Variants in ANO1 observed in about 807,000 individuals in gnomAD.
ANO1 encodes anoctamin-1.
Under a neutral mutation model 124.0 loss-of-function variants are expected in ANO1, and 59 were observed. That is an observed-to-expected ratio of 0.48 (90% CI 0.39 to 0.59). ANO1 has a LOEUF of 0.59. Among genes scored for constraint, ANO1 ranks in the 20% least tolerant of loss-of-function variants. The probability of loss-of-function intolerance (pLI) is 0.00; values close to 1 mark genes in which losing one functional copy is unlikely to be tolerated. For missense variants in ANO1, 1,059 were observed against 1,328.0 expected (o/e 0.80, Z 3.15); for synonymous variants, 529 against 532.0 (o/e 0.99, Z 0.08).
At chr11:70,143,183 C>T (rs527416289) in intron 11 of ANO1, among the ~76,000 whole-genome samples, 9 of 152,248 alleles carry the variant, frequency 5.9e-5, no homozygotes, top group East Asian at 1.9e-4. Flanking sequence ...GACCCCTGCC[C>T]GTGAGGAGCA....
At chr11:70,152,655 T>C (rs2135650777) in intron 13 of ANO1, among the ~76,000 whole-genome samples, 194 bp downstream of exon 13, 1 of 152,348 alleles carries the variant, frequency 6.6e-6, no homozygotes, top group Middle Eastern at 3.4e-3. Context: ...TGACCTGCGC[T>C]GAGCTCCCCA....
In ANO1 at chr11:70,032,371, C is replaced by G. The variant is rs4980749; in HGVS notation, c.59-46171C>G. The stretch of plus-strand genomic sequence containing the variant: ...GGGGAGAGGCGGGTGCAGGCAGGTG[C>G]CCCTGGGAGAAGCTGGGAATCTACC... On this transcript the variant is annotated intron_variant, in intron 1 of 27. Transcript: ENST00000531349. 0.014 allele frequency among the ~76,000 whole-genome samples: 2,100 copies of G among 152,094 alleles called. 109 individuals carry two copies. The East Asian group carries it at 0.16, about 12-fold the overall frequency.
intron 14 of ANO1, among the ~76,000 whole-genome samples, chr11:70,154,591 C>G (rs551343868): frequency 1.3e-5 from 2 of 151,006 alleles, no homozygotes; most frequent in Non-Finnish European, 2.9e-5. Flanking sequence ...CTCAGCCTTC[C>G]GAGTAGCTGG....
At chr11:70,171,298 T>C (rs1031352390) in intron 22 of ANO1, among the ~76,000 whole-genome samples, 1 of 152,142 alleles carries the variant, frequency 6.6e-6, no homozygotes, top group Non-Finnish European at 1.5e-5. Context: ...GACATCTGAA[T>C]GTCTCAACAA....
chr11:70,140,531 C>G (rs1273380689), intron 11 of ANO1, among the ~76,000 whole-genome samples: 1 of 147,364 alleles, frequency 6.8e-6, no homozygotes, highest in Non-Finnish European at 1.5e-5. Context: ...GACTCTGTCT[C>G]AAGGAAAAAA....
the ANO1 span, among the ~76,000 whole-genome samples, chr11:69,974,183 G>A: frequency 2.6e-5 from 4 of 152,144 alleles, no homozygotes; most frequent in South Asian, 4.2e-4. Context: ...GCCAGGTGTG[G>A]TGGTGGGCAC....
intron 1 of ANO1, among the ~76,000 whole-genome samples, chr11:69,989,768 T>C (rs1856118923): frequency 6.6e-6 from 1 of 151,856 alleles, no homozygotes; most frequent in South Asian, 2.1e-4. Context: ...ACGAGGCAGG[T>C]AGGGGAGGGT....
At chr11:70,056,745 G>GT (rs1211895513) in intron 1 of ANO1, among the ~76,000 whole-genome samples, 6 of 149,872 alleles carry the variant, frequency 4.0e-5, no homozygotes, top group Admixed American at 2.0e-4. Context: ...TCTCCCTTCT[G>GT]TTTTTTTCAG....
intron 2 of ANO1, among the ~76,000 whole-genome samples, chr11:70,093,823 C>T (rs1590708788): frequency 6.6e-6 from 1 of 152,350 alleles, no homozygotes; most frequent in South Asian, 2.1e-4. Context: ...CAGACAAAGC[C>T]CACGGCTGGA....
upstream of ANO1, among the ~76,000 whole-genome samples, chr11:69,982,181 A>C (rs1050379608): frequency 1.3e-5 from 2 of 152,178 alleles, no homozygotes; most frequent in African/African-American, 4.8e-5. Flanking sequence ...TCTTATGTGA[A>C]TGTCACCCCA....
Position 70,019,308 on chromosome 11 carries a change from C to CCATGCA in ANO1, c.58+33151_58+33156dup, listed in dbSNP as rs539401778. On this transcript the variant is annotated intron_variant, in intron 1 of 27. Transcript: ENST00000531349. ...ACTCACAACCCACGCTACACACATG[C>CCATGCA]CATGCACATGCACACACACGCACGC... Among the ~76,000 whole-genome samples the CCATGCA allele has an allele frequency of 4.7e-3, 686 of 145,864 alleles. 7 individuals carry two copies. Among genetic ancestry groups the CCATGCA allele is most frequent in the African/African-American group, 0.017 (659 of 39,572 alleles).
intron 16 of ANO1, among the ~76,000 whole-genome samples, chr11:70,158,785 A>C (rs2047924941): frequency 6.6e-6 from 1 of 151,808 alleles, no homozygotes; most frequent in African/African-American, 2.4e-5. Context: ...AGTCCAGAGG[A>C]GGGTGGCCTC....
At chr11:70,065,203 T>A (rs1245805861) in intron 1 of ANO1, 1 of 152,404 alleles carries the variant, frequency 6.6e-6, no homozygotes, top group Admixed American at 6.5e-5. Context: ...GGGCTGGCTC[T>A]GTGGAGCAGG....
At chr11:70,114,249 G>A (rs2045894934) in intron 7 of ANO1, among the ~76,000 whole-genome samples, 1 of 152,252 alleles carries the variant, frequency 6.6e-6, no homozygotes, top group African/African-American at 2.4e-5. Flanking sequence ...AAGGAGTGGA[G>A]CTCGGAAGCC....
At chr11:70,185,459 A>C in intron 24 of ANO1, 131 bp from the exon 25 acceptor site, 3 of 736,784 alleles carry the variant, frequency 4.1e-6, no homozygotes, top group Non-Finnish European at 6.6e-6. Context: ...CGCCCAAGAG[A>C]GGGCTGCCCT....
At chr11:69,967,383 A>G in the ANO1 span, among the ~76,000 whole-genome samples, 1 of 152,236 alleles carries the variant, frequency 6.6e-6, no homozygotes, top group African/African-American at 2.4e-5. Context: ...GCCTTCAGCC[A>G]TGATGCACCT....
At chr11:70,170,198 T>A (rs773900027) in intron 21 of ANO1, 4 of 454,826 alleles carry the variant, frequency 8.8e-6, no homozygotes, top group South Asian at 6.2e-5. Context: ...GGAGCCCCCA[T>A]GATGGAAGCA....
intron 5 of ANO1, among the ~76,000 whole-genome samples, chr11:70,106,201 C>G (rs899276511): frequency 6.6e-6 from 1 of 152,058 alleles, no homozygotes; most frequent in Non-Finnish European, 1.5e-5. Flanking sequence ...GGCAAAGGCG[C>G]GTGGGTTGAG....
chr11:70,055,856 G>C (rs1261818106), intron 1 of ANO1, among the ~76,000 whole-genome samples: 4 of 152,060 alleles, frequency 2.6e-5, no homozygotes, highest in African/African-American at 9.6e-5. Context: ...GGTTGCACTA[G>C]AATTGCCACA....
Sources: allele counts gnomAD v4.1 joint callset (sites outside exome capture counted in the v4.1 genomes callset), GRCh38; gene constraint gnomAD v4.1.1; transcripts MANE v1.5; gene names NCBI Gene and HGNC (gene_info 2026-07-23, HGNC 2026-07-21).